Variants in COL4A1 observed in about 807,000 individuals in gnomAD.
COL4A1 encodes the protein collagen type IV alpha 1 chain, also known as collagen alpha-1(IV) chain.
A neutral mutation model predicts 216.6 loss-of-function variants in COL4A1; 40 were observed. The observed-to-expected ratio is 0.18, with a 90% CI of 0.14 to 0.24. COL4A1 has a LOEUF of 0.24. COL4A1 is among the 10% of genes least tolerant of loss of function. The probability of loss-of-function intolerance (pLI) is 1.00; values close to 1 mark genes in which losing one functional copy is unlikely to be tolerated. For synonymous variants in COL4A1, 839 were observed against 810.7 expected (o/e 1.03, Z -0.59); for missense variants, 1,628 against 2,196.8 (o/e 0.74, Z 5.18).
intron 2 of COL4A1, among the ~76,000 whole-genome samples, chr13:110,216,981 T>C (rs1403333263): frequency 6.6e-6 from 1 of 152,226 alleles, no homozygotes; most frequent in African/African-American, 2.4e-5. Flanking sequence ...GTTTAAGCAA[T>C]CTGTGTATCC....
At chr13:110,155,830 T>G (rs1447206682) in intron 49 of COL4A1, among the ~76,000 whole-genome samples, 1 of 152,156 alleles carries the variant, frequency 6.6e-6, no homozygotes, top group African/African-American at 2.4e-5. Flanking sequence ...GAGAATCACT[T>G]GAACCTGGGA....
At position 110,194,598 on chromosome 13, in the gene COL4A1, C is replaced by T. The variant is rs530081321; in HGVS notation, c.1381+425G>A. Among the ~76,000 whole-genome samples, 62 of 152,294 alleles carry T rather than the reference C, an allele frequency of 4.1e-4. 1 individual carries two copies. Among genetic ancestry groups the T allele is most frequent in the Admixed American group, 2.0e-3 (30 of 15,306 alleles). On this transcript the variant is annotated intron_variant, in intron 22 of 51. Coordinates refer to ENST00000375820, the MANE Select transcript of COL4A1 (RefSeq NM_001845.6). ...GATTTGCTCACACTGATGATGCAAA[C>T]ACCACTGGAAGAATTGGTGAGCATT...
intron 51 of COL4A1, 73 bp from the exon 52 acceptor site, chr13:110,150,517 G>T: frequency 6.9e-7 from 1 of 1,459,000 alleles, no homozygotes; most frequent in Non-Finnish European, 9.5e-7. Flanking sequence ...CTCCTGCCCT[G>T]CTCGGAAATC....
intron 2 of COL4A1, among the ~76,000 whole-genome samples, chr13:110,220,310 C>A (rs1169058423): frequency 6.6e-6 from 1 of 152,164 alleles, no homozygotes; most frequent in Non-Finnish European, 1.5e-5. Flanking sequence ...CTTAGCCTAG[C>A]CATCCTTAAA....
At chr13:110,247,409 A>G (rs1279154091) in intron 1 of COL4A1, among the ~76,000 whole-genome samples, 1 of 152,236 alleles carries the variant, frequency 6.6e-6, no homozygotes, top group African/African-American at 2.4e-5. Context: ...TATCTTTTAT[A>G]TTCTCTAAAA....
In COL4A1 at chr13:110,183,159, C is replaced by T. The variant is rs182770182; in HGVS notation, c.1990+25G>A. ...ACGTGAGGAAACTCTCGTGGTATCC[C>T]GGTGAGCTGGAATTCCAATCGTACC... On this transcript the variant is annotated intron_variant, in intron 27 of 51. Transcript: ENST00000375820. 910 of 1,613,270 alleles carry T rather than the reference C, an allele frequency of 5.6e-4. 1 individual carries two copies. The African/African-American group carries it at 8.4e-3, about 15-fold the overall frequency.
intron 1 of COL4A1, among the ~76,000 whole-genome samples, chr13:110,299,548 A>G (rs935720480): frequency 2.0e-5 from 3 of 152,180 alleles, no homozygotes. Flanking sequence ...TTTGCTCCCT[A>G]AGGAAAGCAA....
At position 110,192,238 on chromosome 13, in the gene COL4A1, G is replaced by T. The variant is rs751201319; in HGVS notation, c.1512C>A (p.Gly504=). 1 of 1,614,148 alleles carries T rather than the reference G, an allele frequency of 6.2e-7. No individual in the cohort carries two copies. The highest frequency in any genetic ancestry group is 8.5e-7 in the Non-Finnish European group (1 of 1,180,030). ...CTGGCACTCCTGCAACACCATCTCTGCCAGGCAAACCTCTGTCGCCCTTGG... is the reference window on the plus strand; with the variant it reads ...CTGGCACTCCTGCAACACCATCTCTTCCAGGCAAACCTCTGTCGCCCTTGG... ...PGAKGDRGLP[G]RDGVAGVPGP... is the part of the protein sequence containing the mutation. The change falls in exon 24 of 52, where the codon GGC becomes GGA. Residue 504 remains glycine, a synonymous_variant. Transcript: ENST00000375820.
intron 21 of COL4A1, among the ~76,000 whole-genome samples, chr13:110,196,313 C>T (rs910839184): frequency 2.0e-5 from 3 of 152,242 alleles, no homozygotes; most frequent in African/African-American, 4.8e-5. Flanking sequence ...TCCTGCCTGG[C>T]TCCTCGTTAG....
At position 110,178,954 on chromosome 13, in the gene COL4A1, G is replaced by A. The variant is rs1167903898; in HGVS notation, c.2427C>T (p.Pro809=). The part of the protein sequence containing the change: ...PGIGPPGARG[P]PGGQGPPGLS... ...ACCCCGGTGGTCCCTGTCCTCCAGG[G>A]GGACCCCTAGCTCCAGGGGGGCCTA... The change falls in exon 31 of 52, where the codon CCC becomes CCT. Residue 809 remains proline, a synonymous_variant. Transcript: ENST00000375820. 6.2e-7 allele frequency: 1 copy of A among 1,612,216 alleles called. No individual in the cohort carries two copies. The highest frequency in any genetic ancestry group is 1.1e-5 in the South Asian group (1 of 90,616).
chr13:110,227,819 T>G (rs1880812573), intron 2 of COL4A1, among the ~76,000 whole-genome samples: 1 of 152,166 alleles, frequency 6.6e-6, no homozygotes, highest in South Asian at 2.1e-4. Flanking sequence ...CACATAAATA[T>G]CCTGCCGTGG....
intron 2 of COL4A1, among the ~76,000 whole-genome samples, chr13:110,219,856 GTATATATGTGTGTGTATATATGTA>G (rs1227298593): frequency 0.089 from 3,432 of 38,558 alleles, 78 homozygotes; most frequent in African/African-American, 0.12. Context: ...GTATATATAT[GTATATATGTGTGTGTATATATGTA>G]TATATATGTG....
In COL4A1 at chr13:110,225,157, C is replaced by T. The variant is rs144235134; in HGVS notation, c.145-11142G>A. On this transcript the variant is annotated intron_variant, in intron 2 of 51. Transcript: ENST00000375820. ...TTCCGTAGTCCCTGCGGTTCCCTTG[C>T]CAGGGTGTGCAGAGCCGCGTACATA... Among the ~76,000 whole-genome samples the T allele has an allele frequency of 2.4e-3, 359 of 152,278 alleles. 5 individuals are homozygous for T. The highest frequency in any genetic ancestry group is 0.02 in the East Asian group (104 of 5,182).
chr13:110,158,249 A>C lies in COL4A1; in HGVS notation c.4641-2852T>G, dbSNP rs551689890. Among the ~76,000 whole-genome samples the C allele has an allele frequency of 3.3e-5, 5 of 152,386 alleles. No homozygotes were observed. In the South Asian group the frequency reaches 1.0e-3, roughly 32 times the overall value. On this transcript the variant is annotated intron_variant, in intron 49 of 51. Coordinates refer to ENST00000375820, the MANE Select transcript of COL4A1 (RefSeq NM_001845.6). The stretch of plus-strand genomic sequence containing the variant: ...TTTCTTATAGCTCAAAAAAAATCAA[A>C]GAAAACTGTCAGTAGATATTTTAAT...
intron 1 of COL4A1, among the ~76,000 whole-genome samples, chr13:110,244,291 G>T (rs969001466): frequency 6.6e-6 from 1 of 152,160 alleles, no homozygotes; most frequent in Non-Finnish European, 1.5e-5. Context: ...ACAGTAAGCT[G>T]TTCTCAATTT....
At chr13:110,281,826 T>C (rs1052782062) in intron 1 of COL4A1, among the ~76,000 whole-genome samples, 6 of 152,208 alleles carry the variant, frequency 3.9e-5, no homozygotes, top group Non-Finnish European at 8.8e-5. Flanking sequence ...AACCCATCTG[T>C]TTCTCTGCCC....
Position 110,213,830 on chromosome 13 carries a change from G to C in COL4A1, c.235-4C>G, listed in dbSNP as rs1566379923. 1 of 1,614,054 alleles carries C rather than the reference G, an allele frequency of 6.2e-7. No individual in the cohort carries two copies. Among genetic ancestry groups the C allele is most frequent in the East Asian group, 2.2e-5 (1 of 44,874 alleles). On this transcript the variant is annotated splice_polypyrimidine_tract_variant and splice_region_variant and intron_variant, in intron 3 of 51. Coordinates refer to ENST00000375820, the MANE Select transcript of COL4A1 (RefSeq NM_001845.6). ...GTCCTGGTTCTCCAGTATCACCCTG[G>C]AACAGAATAGAAATGCCATTGTCAT...
At chr13:110,304,072 T>C (rs976274615) in intron 1 of COL4A1, among the ~76,000 whole-genome samples, 1 of 152,218 alleles carries the variant, frequency 6.6e-6, no homozygotes, top group Non-Finnish European at 1.5e-5. Context: ...TCTGTGAATC[T>C]AGTCAGAGTA....
chr13:110,199,797 A>G (rs1418190931), intron 20 of COL4A1, among the ~76,000 whole-genome samples: 1 of 152,216 alleles, frequency 6.6e-6, no homozygotes, highest in East Asian at 1.9e-4. Context: ...TAAGGGTTAG[A>G]TAAAAGGCTG....
Sources: allele counts gnomAD v4.1 joint callset (sites outside exome capture counted in the v4.1 genomes callset), GRCh38; gene constraint gnomAD v4.1.1; transcripts MANE v1.5; gene names NCBI Gene and HGNC (gene_info 2026-07-23, HGNC 2026-07-21).